Variants in NREP observed in about 807,000 individuals in gnomAD.
NREP encodes neuronal regeneration-related protein.
NREP carries 5 observed loss-of-function variants against 8.6 expected under a neutral mutation model. The ratio of observed to expected loss-of-function variants is 0.58; its 90% CI spans 0.30 to 1.22. The LOEUF is 1.22. Among genes scored for constraint, NREP ranks in the 50% most tolerant of loss-of-function variants. The pLI, the probability that NREP is intolerant of heterozygous loss-of-function variation, is 0.07. For missense variants in NREP, 86 were observed against 82.5 expected, an observed-to-expected ratio of 1.04 and a Z score of -0.17; for synonymous variants, 27 against 28.0, an observed-to-expected ratio of 0.96 and a Z score of 0.11.
At chr5:111,912,341 T>A (rs906324178) in intron 2 of NREP, among the ~76,000 whole-genome samples, 2 of 152,006 alleles carry the variant, frequency 1.3e-5, no homozygotes, top group African/African-American at 4.8e-5. Context: ...CTGAATTACT[T>A]CTTGACCCTC....
Position 111,743,882 on chromosome 5 carries a change from T to C in NREP, c.4-8375A>G, listed in dbSNP as rs570787008. Among the ~76,000 whole-genome samples, 8 of 152,266 alleles carry C rather than the reference T, an allele frequency of 5.3e-5. No individual in the cohort carries two copies. The South Asian group carries it at 1.7e-3, about 32-fold the overall frequency. On this transcript the variant is annotated intron_variant, in intron 2 of 3. Coordinates refer to ENST00000257435, the MANE Select transcript of NREP (RefSeq NM_004772.4). The stretch of plus-strand genomic sequence containing the variant: ...TGTTTTCTTTCCTTCTGTCCAAAAA[T>C]TACTGTGCTATCCACTAAAATCTTA...
chr5:111,896,063 T>C (rs1462216167), intron 2 of NREP, among the ~76,000 whole-genome samples: 1 of 152,210 alleles, frequency 6.6e-6, no homozygotes, highest in Admixed American at 6.5e-5. Flanking sequence ...AGTAACATGA[T>C]TCTTTTTTGT....
intron 2 of NREP, among the ~76,000 whole-genome samples, chr5:111,943,233 A>T (rs1755881794): frequency 6.6e-6 from 1 of 152,052 alleles, no homozygotes; most frequent in Non-Finnish European, 1.5e-5. Context: ...ATTTTTGAGC[A>T]TTCATCAGGT....
intron 2 of NREP, among the ~76,000 whole-genome samples, chr5:111,943,354 T>A (rs1185058831): frequency 6.6e-6 from 1 of 152,096 alleles, no homozygotes; most frequent in Non-Finnish European, 1.5e-5. Context: ...TGTCTTGCTC[T>A]TAAATGCTGG....
At chr5:111,878,239 T>C (rs1460834757) in intron 2 of NREP, among the ~76,000 whole-genome samples, 2 of 152,184 alleles carry the variant, frequency 1.3e-5, no homozygotes, top group African/African-American at 2.4e-5. Context: ...CATTCTCTCA[T>C]TGCTATAACT....
chr5:111,847,032 T>G (rs1213154220), intron 2 of NREP, among the ~76,000 whole-genome samples: 1 of 152,064 alleles, frequency 6.6e-6, no homozygotes, highest in African/African-American at 2.4e-5. Context: ...TGCCAGAGAC[T>G]GCTGGGCTAT....
At chr5:111,896,004 T>C (rs1475413813) in intron 2 of NREP, among the ~76,000 whole-genome samples, 1 of 152,142 alleles carries the variant, frequency 6.6e-6, no homozygotes, top group Admixed American at 6.6e-5. Context: ...GGTAAAGAGT[T>C]TGGATTTTAT....
intron 2 of NREP, among the ~76,000 whole-genome samples, chr5:111,866,816 T>C (rs1249886924): frequency 3.3e-5 from 5 of 151,892 alleles, no homozygotes; most frequent in Non-Finnish European, 7.4e-5. Flanking sequence ...TATGCAGCCA[T>C]AAAAAATGAT....
At chr5:111,895,963 C>T (rs942402359) in intron 2 of NREP, among the ~76,000 whole-genome samples, 1 of 152,126 alleles carries the variant, frequency 6.6e-6, no homozygotes. Flanking sequence ...CCAGCACATC[C>T]TGAATGAACA....
At chr5:111,839,092 C>T (rs1385087368) in intron 2 of NREP, among the ~76,000 whole-genome samples, 2 of 152,064 alleles carry the variant, frequency 1.3e-5, no homozygotes, top group African/African-American at 4.8e-5. Flanking sequence ...AATCATAACC[C>T]TGTAGTACAA....
chr5:111,777,205 T>C (rs1217304509), intron 2 of NREP, among the ~76,000 whole-genome samples: 2 of 152,146 alleles, frequency 1.3e-5, no homozygotes, highest in Non-Finnish European at 2.9e-5. Flanking sequence ...CTATGGATGG[T>C]ACATAATTAA....
intron 2 of NREP, among the ~76,000 whole-genome samples, chr5:111,871,436 G>A (rs915599000): frequency 3.2e-4 from 49 of 152,276 alleles, no homozygotes; most frequent in African/African-American, 1.1e-3. Context: ...TGAGTGGCGA[G>A]TGAATGTGAA....
chr5:111,757,239 G>A (rs868603831), upstream of NREP: 12 of 306,496 alleles, frequency 3.9e-5, no homozygotes, highest in African/African-American at 9.9e-5. Flanking sequence ...TGGGGGGGGA[G>A]GGGGGATTGG....
chr5:111,955,370 G>A (rs931644308), intron 2 of NREP, among the ~76,000 whole-genome samples: 15 of 151,064 alleles, frequency 9.9e-5, no homozygotes, highest in South Asian at 4.2e-4. Flanking sequence ...GTGAGTCAGC[G>A]AAAGAATCAC....
upstream of NREP, among the ~76,000 whole-genome samples, chr5:111,760,986 C>A (rs185406686): frequency 6.6e-6 from 1 of 152,310 alleles, no homozygotes; most frequent in African/African-American, 2.4e-5. Context: ...AATGTCATTG[C>A]TTGGGGTAAC....
At chr5:111,882,373 C>T (rs1026673561) in intron 2 of NREP, among the ~76,000 whole-genome samples, 7 of 152,086 alleles carry the variant, frequency 4.6e-5, no homozygotes, top group African/African-American at 7.2e-5. Flanking sequence ...CTGAAAGTGA[C>T]GGGGAGAATG....
chr5:111,898,262 C>G (rs1581201522), intron 2 of NREP, among the ~76,000 whole-genome samples: 1 of 151,910 alleles, frequency 6.6e-6, no homozygotes, highest in South Asian at 2.1e-4. Flanking sequence ...GTAATAAAGA[C>G]AAGAGATAAA....
At chr5:111,907,010 T>A (rs1754794332) in intron 2 of NREP, among the ~76,000 whole-genome samples, 1 of 152,056 alleles carries the variant, frequency 6.6e-6, no homozygotes, top group African/African-American at 2.4e-5. Context: ...CTTCAAGCAA[T>A]CCTCCTGCCT....
chr5:111,923,599 T>C (rs1000756050), intron 2 of NREP, among the ~76,000 whole-genome samples: 5 of 152,190 alleles, frequency 3.3e-5, no homozygotes, highest in Admixed American at 1.3e-4. Context: ...ACAGTTAAGC[T>C]ATTCTCCAGG....
Sources: allele counts gnomAD v4.1 joint callset (sites outside exome capture counted in the v4.1 genomes callset), GRCh38; gene constraint gnomAD v4.1.1; transcripts MANE v1.5; gene names NCBI Gene and HGNC (gene_info 2026-07-23, HGNC 2026-07-21).